TANC1: variants seen among roughly 807,000 people sequenced by gnomAD.
The protein encoded by TANC1 is protein TANC1.
Under a neutral mutation model 149.7 loss-of-function variants are expected in TANC1, and 77 were observed. The observed-to-expected ratio is 0.51, with a 90% confidence interval of 0.43 to 0.62. The LOEUF is 0.62. Among genes scored for constraint, TANC1 ranks in the 20% least tolerant of loss-of-function variants. The probability of loss-of-function intolerance (pLI) is 0.00; values close to 1 mark genes in which losing one functional copy is unlikely to be tolerated. For missense variants in TANC1, 1,985 were observed against 2,321.8 expected, an observed-to-expected ratio of 0.85 and a Z score of 2.98; for synonymous variants, 854 against 925.0, an observed-to-expected ratio of 0.92 and a Z score of 1.39.
intron 3 of TANC1, among the ~76,000 whole-genome samples, chr2:159,091,897 C>G (rs1451662790): frequency 6.7e-6 from 1 of 149,648 alleles, no homozygotes; most frequent in Admixed American, 6.8e-5. Flanking sequence ...TAGTTGTAGT[C>G]TTCTGAAGGG....
intron 16 of TANC1, among the ~76,000 whole-genome samples, 158 bp from the exon 17 acceptor site, chr2:159,194,099 A>G (rs562544155): frequency 2.6e-5 from 4 of 152,338 alleles, no homozygotes; most frequent in Non-Finnish European, 5.9e-5. Context: ...ACCAATGAGA[A>G]TGTGCATTGT....
intron 16 of TANC1, 77 bp downstream of exon 16, chr2:159,187,101 C>T (rs1392116809): frequency 1.3e-6 from 2 of 1,557,528 alleles, no homozygotes; most frequent in Non-Finnish European, 8.7e-7. Flanking sequence ...AGCCCTGTTT[C>T]CCTCTGCCCT....
intron 4 of TANC1, among the ~76,000 whole-genome samples, chr2:159,118,439 C>T (rs748557253): frequency 3.3e-5 from 5 of 152,200 alleles, no homozygotes; most frequent in East Asian, 1.9e-4. Flanking sequence ...TATGGATTCC[C>T]GGGAAGATGA....
intron 1 of TANC1, among the ~76,000 whole-genome samples, chr2:158,996,939 G>A (rs1019672646): frequency 2.6e-5 from 4 of 151,742 alleles, no homozygotes; most frequent in African/African-American, 4.9e-5. Flanking sequence ...ACCTCTCCAT[G>A]TGTGGGGTGT....
At chr2:159,063,158 T>G (rs1263009316) in intron 2 of TANC1, among the ~76,000 whole-genome samples, 1 of 152,038 alleles carries the variant, frequency 6.6e-6, no homozygotes, top group African/African-American at 2.4e-5. Context: ...ACGAGGTGTC[T>G]CTCAGTGTGA....
At chr2:159,026,143 G>A (rs749055251) in intron 2 of TANC1, among the ~76,000 whole-genome samples, 5 of 152,144 alleles carry the variant, frequency 3.3e-5, no homozygotes, top group African/African-American at 7.2e-5. Flanking sequence ...TTGTTGCCCA[G>A]CATGGTCTTG....
chr2:159,046,741 C>T (rs1375301670), intron 2 of TANC1, among the ~76,000 whole-genome samples: 1 of 151,368 alleles, frequency 6.6e-6, no homozygotes, highest in African/African-American at 2.4e-5. Context: ...GCTAGGAGTA[C>T]AGGCGCGAGG....
chr2:159,142,150 T>A (rs1469511624), intron 5 of TANC1, among the ~76,000 whole-genome samples: 1 of 152,222 alleles, frequency 6.6e-6, no homozygotes, highest in African/African-American at 2.4e-5. Flanking sequence ...GGATGAGAGA[T>A]GTGTGCAGCT....
intron 19 of TANC1, among the ~76,000 whole-genome samples, chr2:159,210,146 G>A (rs1271406362): frequency 6.6e-6 from 1 of 152,164 alleles, no homozygotes; most frequent in Non-Finnish European, 1.5e-5. Flanking sequence ...CCAGTTTGCA[G>A]AATGGTTTTC....
At chr2:159,041,882 C>CG (rs1417119167) in intron 2 of TANC1, among the ~76,000 whole-genome samples, 7 of 152,168 alleles carry the variant, frequency 4.6e-5, no homozygotes, top group Non-Finnish European at 1.0e-4. Flanking sequence ...ACGCTGCGGG[C>CG]TGAAGACTGG....
At chr2:159,173,964 T>A (rs2055548294) in intron 11 of TANC1, among the ~76,000 whole-genome samples, 1 of 152,156 alleles carries the variant, frequency 6.6e-6, no homozygotes, top group South Asian at 2.1e-4. Flanking sequence ...GCATCTAACC[T>A]CAGTGTCTGG....
intron 2 of TANC1, among the ~76,000 whole-genome samples, chr2:159,010,389 G>T (rs536748837): frequency 6.6e-6 from 1 of 152,326 alleles, no homozygotes; most frequent in South Asian, 2.1e-4. Context: ...AGAATCTGGG[G>T]TTGCTAGGAG....
At position 159,173,934 on chromosome 2, in the gene TANC1, A is replaced by C. The variant is rs149520843; in HGVS notation, c.1504-1019A>C. Among the ~76,000 whole-genome samples, 3 of 152,288 alleles carry C rather than the reference A, an allele frequency of 2.0e-5. No individual in the cohort carries two copies. In the East Asian group the frequency reaches 5.8e-4, roughly 29 times the overall value. ...GGGATCTAATCCCACATCCCTGACT[A>C]TCTGTGTCAGGTTGGCAAGGCATCT... On this transcript the variant is annotated intron_variant, in intron 11 of 26. Coordinates refer to ENST00000263635, the MANE Select transcript of TANC1 (RefSeq NM_033394.3).
chr2:158,970,091 C>T (rs1239426858), intron 1 of TANC1, among the ~76,000 whole-genome samples: 1 of 150,204 alleles, frequency 6.7e-6, no homozygotes, highest in Non-Finnish European at 1.5e-5. Flanking sequence ...TTGCTGAGAT[C>T]GCTCGCTCTG....
chr2:159,056,139 TG>T, intron 2 of TANC1: 1 of 257,624 alleles, frequency 3.9e-6, no homozygotes. Context: ...TCCAGGCACT[TG>T]GGCTCAAACA....
chr2:159,205,275 G>A (rs1243964211), intron 19 of TANC1, among the ~76,000 whole-genome samples: 1 of 152,214 alleles, frequency 6.6e-6, no homozygotes, highest in Non-Finnish European at 1.5e-5. Context: ...ACAGGGAGCT[G>A]GATGCCTAAT....
intron 2 of TANC1, among the ~76,000 whole-genome samples, chr2:159,052,041 G>A (rs528119008): frequency 6.6e-6 from 1 of 151,400 alleles, no homozygotes; most frequent in South Asian, 2.1e-4. Flanking sequence ...ATGAGGCAGT[G>A]GGGGCGGGAG....
chr2:159,143,080 A>C (rs1343144323), intron 5 of TANC1, among the ~76,000 whole-genome samples: 3 of 21,212 alleles, frequency 1.4e-4, no homozygotes, highest in African/African-American at 2.4e-4. Context: ...AAAAAAAAAC[A>C]ACAAAACAAA....
At chr2:159,225,626 A>C in intron 23 of TANC1, 62 bp from the exon 24 acceptor site, 3 of 1,351,770 alleles carry the variant, frequency 2.2e-6, no homozygotes, top group Non-Finnish European at 3.2e-6. Context: ...GGGGCCACGG[A>C]GGAATTGGGA....
Sources: gnomAD v4.1 joint callset for allele counts (sites outside exome capture counted in the v4.1 genomes callset) on GRCh38, gnomAD v4.1.1 for gene constraint, MANE v1.5 for transcripts, NCBI Gene and HGNC (gene_info 2026-07-23, HGNC 2026-07-21) for gene names.